The following PLEKHG4B variants were observed in gnomAD, a reference collection of about 807,000 sequenced individuals.
PLEKHG4B encodes pleckstrin homology and RhoGEF domain containing G4B.
PLEKHG4B carries 111 observed loss-of-function variants against 121.3 expected under a neutral mutation model. The observed-to-expected ratio is 0.92, with a 90% CI of 0.78 to 1.07. The LOEUF is 1.07. Ranked by LOEUF, PLEKHG4B falls within the 50% of genes least tolerant of loss-of-function variation. The pLI is 0.00. For synonymous variants in PLEKHG4B, 738 were observed against 725.0 expected, an observed-to-expected ratio of 1.02 and a Z score of -0.29; for missense variants, 1,831 against 1,757.8, an observed-to-expected ratio of 1.04 and a Z score of -0.74.
intron 2 of PLEKHG4B, among the ~76,000 whole-genome samples, chr5:118,254 AT>A (rs1253156000): frequency 6.6e-6 from 1 of 152,238 alleles, no homozygotes; most frequent in Non-Finnish European, 1.5e-5. Flanking sequence ...AATGGACAGA[AT>A]TGCCAGGAGA....
At chr5:107,697 G>C (rs1046321324) in intron 1 of PLEKHG4B, among the ~76,000 whole-genome samples, 19 of 152,202 alleles carry the variant, frequency 1.2e-4, no homozygotes, top group Admixed American at 1.2e-3. Context: ...CCCTGGGCTG[G>C]GGCTTGGTAG....
At position 184,743 on chromosome 5, in the gene PLEKHG4B, C is replaced by T. The variant is rs1031644027; in HGVS notation, c.*2420C>T. The T allele has an allele frequency of 5.3e-5, 8 of 152,078 alleles. No homozygotes were observed. Among genetic ancestry groups the T allele is most frequent in the East Asian group, 1.9e-4 (1 of 5,192 alleles). The allele number at this position is 152,078 out of a possible 1,614,324, so 9.4% of individuals were successfully genotyped here. On this transcript the variant is annotated 3_prime_UTR_variant, in exon 20 of 20. Transcript: ENST00000637938. ...TGGGTTAAAAGATGAGTGGCTTGGC[C>T]GGGTGCGGTGGCTCATGTCTCTAAT...
intron 14 of PLEKHG4B, 37 bp downstream of exon 14, chr5:169,629 G>A: frequency 6.2e-7 from 1 of 1,604,654 alleles, no homozygotes; most frequent in Non-Finnish European, 8.5e-7. Flanking sequence ...CGGGCAACGT[G>A]GTGGGTGAAG....
rs1560961941 is a variant in PLEKHG4B, at chr5:183,995, A to ATC, written c.*1672_*1673insTC. 2.1e-4 allele frequency: 22 copies of ATC among 102,802 alleles called. No individual in the cohort carries two copies. The highest frequency in any genetic ancestry group is 4.9e-3 in the Middle Eastern group (1 of 206). The allele number at this position is 102,802 out of a possible 1,614,324, so 6.4% of individuals were successfully genotyped here. A position where few individuals can be genotyped will look rare whatever the true frequency, so the allele number is the denominator to read the frequency against. ...CAGATAGATAGATAGATAGATCGAT[A>ATC]GATAGATAGATAGATAGATAGATAG... On this transcript the variant is annotated 3_prime_UTR_variant, in exon 20 of 20. Coordinates refer to ENST00000637938, the MANE Select transcript of PLEKHG4B (RefSeq NM_052909.5).
chr5:166,433 AGCTCACACTAATGCTCTGACGG>A (rs1736343995), intron 13 of PLEKHG4B, among the ~76,000 whole-genome samples: 3 of 93,890 alleles, frequency 3.2e-5, no homozygotes. Flanking sequence ...GACGGGGCGG[AGCTCACACTAATGCTCTGACGG>A]GGCGGAGCTC....
rs779528643 is a variant in PLEKHG4B, at chr5:154,962, A to C, written c.2080A>C (p.Ser694Arg). 57 of 1,613,424 alleles carry C rather than the reference A, an allele frequency of 3.5e-5. No individual in the cohort carries two copies. Among genetic ancestry groups the C allele is most frequent in the Middle Eastern group, 1.6e-4 (1 of 6,062 alleles). ...AGACCTCGACGGCTCCTTTCCCTAC[A>C]GCCATGGTGACTGGATCTGCTTCCG... Reference protein sequence around the residue: ...TADLDGSFPYSHGDWICFRQR... With the variant: ...TADLDGSFPYRHGDWICFRQR... The change falls in exon 8 of 20, where the codon AGC (serine) becomes CGC (arginine). Residue 694 changes from serine (S) to arginine (R), a missense_variant. Coordinates refer to ENST00000637938, the MANE Select transcript of PLEKHG4B (RefSeq NM_052909.5).
In PLEKHG4B at chr5:159,228, AG is replaced by A. The variant is rs1560938178; in HGVS notation, c.2487+2319del. Among the ~76,000 whole-genome samples, 2 of 113,998 alleles carry A rather than the reference AG, an allele frequency of 1.8e-5. No individual in the cohort carries two copies. The highest frequency in any genetic ancestry group is 3.5e-5 in the Non-Finnish European group (2 of 56,428). 74.8% of individuals were successfully genotyped at this position (113,998 alleles called of 152,430 possible). ...GCCCAGGTGTGCCTGAGGGTCGCCC[AG>A]GTGCACTGAGGGCAGGTGTGCCTGA... On this transcript the variant is annotated intron_variant, in intron 11 of 19. Transcript: ENST00000637938. This position sits in a 1 kb window ranked among gnomAD's most constrained non-coding sequence, Gnocchi z 5.5.
intron 7 of PLEKHG4B, among the ~76,000 whole-genome samples, chr5:153,991 G>C (rs915134535): frequency 2.0e-5 from 3 of 150,554 alleles, no homozygotes; most frequent in African/African-American, 7.4e-5. Flanking sequence ...ACACCGGCCA[G>C]ATGCCCCTCT....
intron 18 of PLEKHG4B, among the ~76,000 whole-genome samples, chr5:174,382 A>C: frequency 1.1e-4 from 1 of 9,018 alleles, no homozygotes; most frequent in Admixed American, 1.6e-3. Flanking sequence ...GGCTAAGGCT[A>C]GGAGTGGGGC....
At chr5:177,386 G>A (rs936591718) in intron 18 of PLEKHG4B, among the ~76,000 whole-genome samples, 5 of 152,100 alleles carry the variant, frequency 3.3e-5, no homozygotes, top group Admixed American at 3.3e-4. Flanking sequence ...ACTCATCATA[G>A]GTTATTTAGA....
chr5:170,305 C>CT lies in PLEKHG4B; in HGVS notation c.3729+724dup, dbSNP rs946439333. ...GCATGTTACATCTTTTCAGTGTTTC[C>CT]TTTTTTTTTTTCTTTGAGATGAAGT... On this transcript the variant is annotated intron_variant, in intron 14 of 19. Coordinates refer to ENST00000637938, the MANE Select transcript of PLEKHG4B (RefSeq NM_052909.5). Among the ~76,000 whole-genome samples, 593 of 147,314 alleles carry CT rather than the reference C, an allele frequency of 4.0e-3. 6 individuals are homozygous for CT. The highest frequency in any genetic ancestry group is 9.9e-3 in the African/African-American group (401 of 40,368).
In PLEKHG4B at chr5:172,918, C is replaced by T. The variant is rs1490672747; in HGVS notation, c.4072C>T (p.Gln1358Ter). Reference sequence around the variant, plus strand: ...GCAGGTGAATTTGAAGGAACAGGGGCAGCTGAGATGCCGGGATGAGTTTAT... The same window carrying T: ...GCAGGTGAATTTGAAGGAACAGGGGTAGCTGAGATGCCGGGATGAGTTTAT... ...GCDVNLKEQG[Q>*]LRCRDEFIVC... Residue 1358 changes from glutamine (Q) to a stop codon, truncating the protein, a stop_gained, in exon 17 of 20, where the codon CAG becomes TAG. Transcript: ENST00000637938. LOFTEE classifies it high-confidence loss of function. 1 of 1,614,176 alleles carries T rather than the reference C, an allele frequency of 6.2e-7. No homozygotes were observed. The highest frequency in any genetic ancestry group is 8.5e-7 in the Non-Finnish European group (1 of 1,180,028).
chr5:173,188 C>A, intron 17 of PLEKHG4B, 121 bp downstream of exon 17: 1 of 942,732 alleles, frequency 1.1e-6, no homozygotes, highest in Non-Finnish European at 1.6e-6. Flanking sequence ...GGAGGAGCCG[C>A]ACTGCGATGT....
At position 140,238 on chromosome 5, in the gene PLEKHG4B, G is replaced by A. The variant is rs140923068; in HGVS notation, c.999G>A (p.Pro333=). 3.8e-4 allele frequency: 540 copies of A among 1,436,470 alleles called. 2 individuals are homozygous for A. The African/African-American group carries it at 6.9e-3, about 18-fold the overall frequency. The allele number at this position is 1,436,470 out of a possible 1,614,324, so 89.0% of individuals were successfully genotyped here. A position where few individuals can be genotyped will look rare whatever the true frequency, so the allele number is the denominator to read the frequency against. The change falls in exon 3 of 20, where the codon CCG becomes CCA. Residue 333 remains proline, a synonymous_variant. Transcript: ENST00000637938. ...CCTTCCACACAGACCTGGGCATCCC[G>A]AGCAGCAGGAGGCGGCCGCCGGGGG... ...ALTFHTDLGI[P]SSRRRPPGDP...
chr5:170,694 T>C lies in PLEKHG4B; in HGVS notation c.3730-349T>C, dbSNP rs371396744. Among the ~76,000 whole-genome samples, 87 of 152,336 alleles carry C rather than the reference T, an allele frequency of 5.7e-4. 4 individuals carry two copies. The East Asian group carries it at 6.4e-3, about 11-fold the overall frequency. ...TTAAATGTCTTGACAGCTTTAGCTC[T>C]TGGCCATGGACCAAATCATTCCAAT... On this transcript the variant is annotated intron_variant, in intron 14 of 19. Coordinates refer to ENST00000637938, the MANE Select transcript of PLEKHG4B (RefSeq NM_052909.5).
intron 1 of PLEKHG4B, among the ~76,000 whole-genome samples, chr5:106,913 C>T (rs901584188): frequency 4.6e-5 from 7 of 152,276 alleles, no homozygotes; most frequent in South Asian, 2.1e-4. Context: ...TGTGTGTGCA[C>T]GCACGCAGGT....
chr5:161,732 A>G (rs778414425), intron 11 of PLEKHG4B, 51 bp from the exon 12 acceptor site: 4 of 1,612,316 alleles, frequency 2.5e-6, no homozygotes, highest in Non-Finnish European at 3.4e-6. Flanking sequence ...ACCTGGAGAC[A>G]TGAACGTGGA....
At chr5:150,356 G>A (rs1735567016) in intron 6 of PLEKHG4B, among the ~76,000 whole-genome samples, 1 of 152,278 alleles carries the variant, frequency 6.6e-6, no homozygotes, top group Middle Eastern at 3.4e-3. Context: ...GGAGCAGGGG[G>A]TAATGGAGAG....
At chr5:93,656 C>T (rs545240160) in intron 1 of PLEKHG4B, among the ~76,000 whole-genome samples, 1 of 152,228 alleles carries the variant, frequency 6.6e-6, no homozygotes. Flanking sequence ...CCGGAGCCTT[C>T]TCATCTTTTA....
Sources: allele counts gnomAD v4.1 joint callset (sites outside exome capture counted in the v4.1 genomes callset), GRCh38; gene constraint gnomAD v4.1.1; non-coding constraint Gnocchi (gnomAD v3.1); transcripts MANE v1.5; gene names NCBI Gene and HGNC (gene_info 2026-07-23, HGNC 2026-07-21).